Variants in DNER observed in about 807,000 individuals in gnomAD.
The protein encoded by DNER is delta and Notch-like epidermal growth factor-related receptor.
In DNER, 33 loss-of-function variants were observed where a neutral mutation model predicts 78.2. The ratio of observed to expected loss-of-function variants is 0.42; its 90% CI spans 0.32 to 0.56. DNER has a LOEUF of 0.56. Among genes scored for constraint, DNER ranks in the 20% least tolerant of loss-of-function variants. DNER has a pLI of 0.11. For synonymous variants in DNER, 417 were observed against 384.8 expected (o/e 1.08, Z -0.98); for missense variants, 918 against 975.3 (o/e 0.94, Z 0.78).
At chr2:229,489,049 A>T (rs1350977260) in intron 6 of DNER, among the ~76,000 whole-genome samples, 1 of 152,260 alleles carries the variant, frequency 6.6e-6, no homozygotes, top group African/African-American at 2.4e-5. Flanking sequence ...AAGATTAAGT[A>T]ACTTCCCCAA....
chr2:229,499,165 G>A (rs917280267), intron 6 of DNER, among the ~76,000 whole-genome samples: 23 of 152,118 alleles, frequency 1.5e-4, no homozygotes, highest in Admixed American at 4.6e-4. Flanking sequence ...GGGGAACAGG[G>A]CCAGGTGCAG....
chr2:229,407,595 C>T (rs895696093), intron 9 of DNER, among the ~76,000 whole-genome samples: 13 of 152,158 alleles, frequency 8.5e-5, no homozygotes, highest in Admixed American at 2.0e-4. Flanking sequence ...CTTTCTCTGC[C>T]TACGTGTCCC....
At chr2:229,500,107 G>A (rs997000877) in intron 6 of DNER, among the ~76,000 whole-genome samples, 2 of 151,974 alleles carry the variant, frequency 1.3e-5, no homozygotes, top group Non-Finnish European at 2.9e-5. Flanking sequence ...CTAATTTTTT[G>A]TATTTTTAGT....
intron 6 of DNER, among the ~76,000 whole-genome samples, chr2:229,506,932 G>A (rs781775874): frequency 3.3e-5 from 5 of 152,082 alleles, no homozygotes; most frequent in South Asian, 2.1e-4. Flanking sequence ...AGGTGATTTC[G>A]TCATTATGCT....
Position 229,714,251 on chromosome 2 carries a change from A to G in DNER, c.173T>C (p.Val58Ala). 1.4e-6 allele frequency: 2 copies of G among 1,418,022 alleles called. No individual in the cohort carries two copies. The highest frequency in any genetic ancestry group is 1.8e-6 in the Non-Finnish European group (2 of 1,088,322). 87.8% of individuals were successfully genotyped at this position (1,418,022 alleles called of 1,614,324 possible). ...CAAQPCRNGGVCTSRPEPDPQ... is the reference protein window; with the variant it reads ...CAAQPCRNGGACTSRPEPDPQ... ...GTCCGGCTCAGGGCGCGAGGTGCACACACCCCCATTCCGGCAGGGCTGCGC... is the reference window on the plus strand; with the variant it reads ...GTCCGGCTCAGGGCGCGAGGTGCACGCACCCCCATTCCGGCAGGGCTGCGC... Residue 58 changes from valine to alanine, a missense_variant, in exon 1 of 13, where the codon GTG becomes GCG. Transcript: ENST00000341772.
intron 4 of DNER, among the ~76,000 whole-genome samples, chr2:229,581,977 T>A (rs1366095145): frequency 6.6e-6 from 1 of 152,164 alleles, no homozygotes; most frequent in Non-Finnish European, 1.5e-5. Flanking sequence ...CAGGAGACAG[T>A]CAATTCCTGA....
chr2:229,503,279 T>G (rs1695658795), intron 6 of DNER, among the ~76,000 whole-genome samples: 1 of 151,982 alleles, frequency 6.6e-6, no homozygotes, highest in South Asian at 2.1e-4. Context: ...GTTCAGAGCC[T>G]ATGTAACCTT....
chr2:229,625,259 G>C (rs1046430400), intron 1 of DNER, among the ~76,000 whole-genome samples: 1 of 152,016 alleles, frequency 6.6e-6, no homozygotes, highest in Non-Finnish European at 1.5e-5. Flanking sequence ...GAAAATCACC[G>C]GGGGCTGGGA....
chr2:229,436,292 A>T (rs1040133548), intron 8 of DNER, among the ~76,000 whole-genome samples: 2 of 152,202 alleles, frequency 1.3e-5, no homozygotes, highest in African/African-American at 4.8e-5. Flanking sequence ...CTGCTTTTTC[A>T]TGACTGCACA....
At chr2:229,498,063 A>C (rs1265336330) in intron 6 of DNER, among the ~76,000 whole-genome samples, 1 of 152,182 alleles carries the variant, frequency 6.6e-6, no homozygotes, top group Non-Finnish European at 1.5e-5. Context: ...ATACCATATT[A>C]ACAGAATCAT....
chr2:229,611,310 T>C (rs1039601697), intron 1 of DNER, among the ~76,000 whole-genome samples: 3 of 152,220 alleles, frequency 2.0e-5, no homozygotes, highest in East Asian at 1.9e-4. Context: ...CCTTTTGGCC[T>C]GAAGCACTAT....
chr2:229,364,843 T>TA (rs1692306636), intron 12 of DNER, among the ~76,000 whole-genome samples: 1 of 125,900 alleles, frequency 7.9e-6, no homozygotes, highest in Middle Eastern at 3.8e-3. Context: ...TCTCTCTCTC[T>TA]CTTTTTTTTT....
intron 11 of DNER, among the ~76,000 whole-genome samples, chr2:229,374,063 A>G (rs1692548044): frequency 6.6e-6 from 1 of 152,158 alleles, no homozygotes; most frequent in Admixed American, 6.5e-5. Context: ...AGCTACTTGG[A>G]AGCCTGAGGC....
intron 9 of DNER, among the ~76,000 whole-genome samples, chr2:229,413,809 A>G (rs1008668056): frequency 1.3e-5 from 2 of 151,216 alleles, no homozygotes; most frequent in African/African-American, 4.8e-5. Context: ...TATCAATATT[A>G]AGCAGTAAAA....
chr2:229,417,995 G>A, intron 9 of DNER, 113 bp downstream of exon 9: 1 of 1,522,484 alleles, frequency 6.6e-7, no homozygotes, highest in Non-Finnish European at 8.9e-7. Context: ...TTCAGCATTT[G>A]ATTGTTATTC....
In DNER at chr2:229,596,543, C is replaced by T. The variant is rs148473280; in HGVS notation, c.277-4655G>A. On this transcript the variant is annotated intron_variant, in intron 1 of 12. Transcript: ENST00000341772. ...GGTCCTCGGAGACCATCTCTGGGAG[C>T]CACTTTGTGAAGCCATTCACCCCAG... Among the ~76,000 whole-genome samples the T allele has an allele frequency of 9.4e-3, 1,431 of 152,270 alleles. 23 individuals carry two copies. Among genetic ancestry groups the T allele is most frequent in the African/African-American group, 0.033 (1,358 of 41,540 alleles).
chr2:229,679,728 A>G (rs1047636442), intron 1 of DNER, among the ~76,000 whole-genome samples: 4 of 152,108 alleles, frequency 2.6e-5, no homozygotes, highest in African/African-American at 9.7e-5. Flanking sequence ...CTGTCCTCAC[A>G]TTTACTGTTG....
chr2:229,417,600 C>G (rs1693679744), intron 9 of DNER, among the ~76,000 whole-genome samples: 1 of 151,938 alleles, frequency 6.6e-6, no homozygotes, highest in African/African-American at 2.4e-5. Flanking sequence ...ATTTAGTGAG[C>G]TATGCACATT....
chr2:229,449,970 C>T (rs1452420449), intron 7 of DNER, among the ~76,000 whole-genome samples: 5 of 152,072 alleles, frequency 3.3e-5, no homozygotes, highest in Admixed American at 1.3e-4. Context: ...TTAGTTGAGA[C>T]GGGGCTTTAC....
Sources: allele counts gnomAD v4.1 joint callset (sites outside exome capture counted in the v4.1 genomes callset), GRCh38; gene constraint gnomAD v4.1.1; transcripts MANE v1.5; gene names NCBI Gene and HGNC (gene_info 2026-07-23, HGNC 2026-07-21).